The following OR51B5 variants were observed in gnomAD, a reference collection of about 807,000 sequenced individuals.
OR51B5 encodes the protein olfactory receptor 51B5.
For missense variants in OR51B5, 456 were observed against 374.6 expected (o/e 1.22, Z -1.79); for synonymous variants, 186 against 144.8 (o/e 1.28, Z -2.04).
intron 1 of OR51B5, among the ~76,000 whole-genome samples, chr11:5,386,290 G>A (rs914140959): frequency 6.6e-6 from 1 of 152,122 alleles, no homozygotes; most frequent in Non-Finnish European, 1.5e-5. Flanking sequence ...AAAACAAGAA[G>A]GACCGGGCTA....
At chr11:5,402,582 GGAT>G (rs1157297632) in intron 1 of OR51B5, 2 of 463,276 alleles carry the variant, frequency 4.3e-6, no homozygotes, top group South Asian at 1.6e-5. Context: ...TGATCCCTGA[GGAT>G]GATATGTCAA....
chr11:5,420,899 A>T (rs2647575), intron 1 of OR51B5, among the ~76,000 whole-genome samples: 1 of 151,922 alleles, frequency 6.6e-6, no homozygotes, highest in Non-Finnish European at 1.5e-5. Context: ...CCAGAGGCTC[A>T]GGTTAAGATG....
At chr11:5,400,726 T>C (rs560423719) in intron 1 of OR51B5, among the ~76,000 whole-genome samples, 17 of 152,356 alleles carry the variant, frequency 1.1e-4, no homozygotes, top group African/African-American at 2.9e-4. Flanking sequence ...TGAGCTGTGG[T>C]TGAAAGTTGC....
In OR51B5 at chr11:5,357,777, T is replaced by C. The variant is rs1267470486; in HGVS notation, n.85-10867A>G. Among the ~76,000 whole-genome samples, 398 of 150,800 alleles carry C rather than the reference T, an allele frequency of 2.6e-3. 1 individual carries two copies. Among genetic ancestry groups the C allele is most frequent in the East Asian group, 0.01 (52 of 5,164 alleles). On this transcript the variant is annotated intron_variant and non_coding_transcript_variant, in intron 1 of 4. Coordinates refer to the OR51B5 transcript ENST00000415970. The stretch of plus-strand genomic sequence containing the variant: ...CTCAGCAAATGTAAAAGAACAGAAA[T>C]TATAACAAACTGTCTCTCAGACCAC...
At chr11:5,351,315 ATCT>A (rs1849081816) in intron 1 of OR51B5, among the ~76,000 whole-genome samples, 1 of 152,206 alleles carries the variant, frequency 6.6e-6, no homozygotes, top group Non-Finnish European at 1.5e-5. Flanking sequence ...CCTAAATAAT[ATCT>A]TCTTTATACA....
At chr11:5,427,365 TG>T (rs1850466907) in intron 1 of OR51B5, among the ~76,000 whole-genome samples, 1 of 106,150 alleles carries the variant, frequency 9.4e-6, no homozygotes, top group African/African-American at 3.7e-5. Flanking sequence ...GTTAGGTAAG[TG>T]AAGTGAATGA....
intron 1 of OR51B5, among the ~76,000 whole-genome samples, chr11:5,357,176 C>T (rs540764018): frequency 7.9e-5 from 12 of 152,082 alleles, no homozygotes; most frequent in South Asian, 6.2e-4. Context: ...AAGACACAGA[C>T]GGGCAAATTA....
Position 5,413,067 on chromosome 11 carries a change from T to G in OR51B5, n.85-66157A>C, listed in dbSNP as rs571804154. ...GGGCAGACTGACACCTCACACGGCC[T>G]GATACTCCTCTGAGACAAAACTTCC... is the stretch of plus-strand genomic sequence containing the variant. On this transcript the variant is annotated intron_variant and non_coding_transcript_variant, in intron 1 of 4. Transcript: ENST00000415970. Among the ~76,000 whole-genome samples the G allele has an allele frequency of 1.7e-3, 253 of 152,250 alleles. 1 individual carries two copies. The highest frequency in any genetic ancestry group is 5.8e-3 in the African/African-American group (242 of 41,544).
At chr11:5,396,498 C>A (rs1367903066) in intron 1 of OR51B5, among the ~76,000 whole-genome samples, 1 of 151,946 alleles carries the variant, frequency 6.6e-6, no homozygotes, top group East Asian at 1.9e-4. Flanking sequence ...ATCCAACTTA[C>A]AAGGGATGTG....
At chr11:5,362,694 C>A in intron 1 of OR51B5, 1 of 218,498 alleles carries the variant, frequency 4.6e-6, no homozygotes, top group Admixed American at 5.4e-5. Context: ...GAGCTTTTGG[C>A]CATCGACATG....
intron 1 of OR51B5, chr11:5,392,326 T>C (rs1005018494): frequency 6.6e-6 from 1 of 152,208 alleles, no homozygotes; most frequent in African/African-American, 2.4e-5. Context: ...CATTACTCAA[T>C]AGCAGTTCCG....
intron 1 of OR51B5, among the ~76,000 whole-genome samples, chr11:5,428,190 C>G (rs1039540086): frequency 1.3e-5 from 2 of 152,026 alleles, no homozygotes; most frequent in Admixed American, 1.3e-4. Context: ...AAATATCAAT[C>G]TGAATATTCT....
rs779318897 is a variant in OR51B5, at chr11:5,441,394, T to A, written n.84+64175A>T. On this transcript the variant is annotated intron_variant and non_coding_transcript_variant, in intron 1 of 4. Transcript: ENST00000415970. Reference sequence around the variant, plus strand: ...GTGAGAATGCTGAGGTTACCTACAATGGAGATCATGTAGAGGATGCAGAAA... The same window carrying A: ...GTGAGAATGCTGAGGTTACCTACAAAGGAGATCATGTAGAGGATGCAGAAA... The A allele has an allele frequency of 8.6e-5, 139 of 1,613,626 alleles. 1 individual carries two copies. The highest frequency in any genetic ancestry group is 8.3e-5 in the Non-Finnish European group (98 of 1,179,760).
intron 1 of OR51B5, among the ~76,000 whole-genome samples, chr11:5,443,258 G>A (rs1389382723): frequency 6.6e-6 from 1 of 152,088 alleles, no homozygotes. Context: ...TAAACAGAGT[G>A]AAATTAGATG....
intron 1 of OR51B5, among the ~76,000 whole-genome samples, chr11:5,413,284 G>A (rs1850180397): frequency 6.6e-6 from 1 of 151,988 alleles, no homozygotes; most frequent in Non-Finnish European, 1.5e-5. Context: ...AAACCCATCT[G>A]TACATCACCA....
chr11:5,439,412 G>T (rs1226360052), intron 1 of OR51B5, among the ~76,000 whole-genome samples: 1 of 152,092 alleles, frequency 6.6e-6, no homozygotes, highest in Non-Finnish European at 1.5e-5. Context: ...CACTTTAAAA[G>T]TCATTCACAA....
At chr11:5,413,413 G>A (rs573594056) in intron 1 of OR51B5, among the ~76,000 whole-genome samples, 23 of 152,206 alleles carry the variant, frequency 1.5e-4, no homozygotes, top group Non-Finnish European at 2.9e-4. Flanking sequence ...TTCTTCACCA[G>A]CAATGCAACA....
chr11:5,379,054 A>T (rs1404165283), intron 1 of OR51B5, among the ~76,000 whole-genome samples: 2 of 151,238 alleles, frequency 1.3e-5, no homozygotes, highest in East Asian at 3.8e-4. Flanking sequence ...AAAGACTTGG[A>T]ACCAACCCAA....
At chr11:5,458,876 G>T (rs1477871086) in intron 1 of OR51B5, among the ~76,000 whole-genome samples, 1 of 152,128 alleles carries the variant, frequency 6.6e-6, no homozygotes, top group Non-Finnish European at 1.5e-5. Context: ...GATTTTCTAG[G>T]TATAGAAACA....
Sources: allele counts gnomAD v4.1 joint callset (sites outside exome capture counted in the v4.1 genomes callset), GRCh38; gene constraint gnomAD v4.1.1; transcripts MANE v1.5; gene names NCBI Gene and HGNC (gene_info 2026-07-23, HGNC 2026-07-21).